Variants in COX7B2 observed in about 807,000 individuals in gnomAD.
COX7B2 encodes cytochrome c oxidase subunit 7B2.
For synonymous variants in COX7B2, 37 were observed against 32.1 expected (o/e 1.15, Z -0.51); for missense variants, 109 against 95.9 (o/e 1.14, Z -0.57).
At chr4:46,800,084 C>G (rs1477583821) in intron 2 of COX7B2, among the ~76,000 whole-genome samples, 2 of 151,996 alleles carry the variant, frequency 1.3e-5, no homozygotes, top group East Asian at 3.8e-4. Flanking sequence ...TGAAAAATCT[C>G]TACAGTGAAA....
rs1714130475 is a variant in COX7B2, at chr4:46,819,605, T to C, written c.-50+25355A>G. On this transcript the variant is annotated intron_variant, in intron 2 of 2. Coordinates refer to ENST00000355591, the MANE Select transcript of COX7B2 (RefSeq NM_130902.3). ...TTATGTTTTAAGAAAGTTTATGAAT[T>C]TGTGGTGGGCCACATTCAAAGCTGT... Among the ~76,000 whole-genome samples, 7 of 152,252 alleles carry C rather than the reference T, an allele frequency of 4.6e-5. No homozygotes were observed. The South Asian group carries it at 1.5e-3, about 32-fold the overall frequency.
intron 1 of COX7B2, among the ~76,000 whole-genome samples, chr4:46,855,633 TA>T (rs1407679893): frequency 6.6e-6 from 1 of 151,628 alleles, no homozygotes; most frequent in African/African-American, 2.4e-5. Context: ...CAAAAAAAAC[TA>T]AAAAAAAGCA....
chr4:46,790,307 C>T (rs551895092), intron 2 of COX7B2, among the ~76,000 whole-genome samples: 7 of 152,318 alleles, frequency 4.6e-5, no homozygotes, highest in African/African-American at 1.7e-4. Flanking sequence ...TATTTGGTTT[C>T]ATTTCATTTG....
At chr4:46,745,735 A>G (rs1714985059) in intron 2 of COX7B2, among the ~76,000 whole-genome samples, 1 of 152,098 alleles carries the variant, frequency 6.6e-6, no homozygotes, top group Admixed American at 6.5e-5. Context: ...TTTTTCTTTT[A>G]AGTTCCTGAG....
chr4:46,907,847 A>ATTTTTTTTTTTTTTTTTTTTT (rs1308450950), intron 1 of COX7B2, among the ~76,000 whole-genome samples: 2 of 67,236 alleles, frequency 3.0e-5, no homozygotes, highest in African/African-American at 1.0e-4. Flanking sequence ...ATTTGAGCAG[A>ATTTTTTTTTTTTTTTTTTTTT]CTTTTTTTTT....
chr4:46,820,906 A>C (rs1159884053), intron 2 of COX7B2, among the ~76,000 whole-genome samples: 1 of 151,558 alleles, frequency 6.6e-6, no homozygotes, highest in Non-Finnish European at 1.5e-5. Context: ...AAAGTAATCC[A>C]ATCTCACGTA....
intron 1 of COX7B2, among the ~76,000 whole-genome samples, chr4:46,888,930 C>T (rs922862704): frequency 3.3e-5 from 5 of 152,070 alleles, no homozygotes; most frequent in Non-Finnish European, 1.5e-5. Flanking sequence ...TCCAGTGTTG[C>T]TGCAATGATT....
intron 2 of COX7B2, among the ~76,000 whole-genome samples, chr4:46,844,665 T>C (rs1056352009): frequency 2.0e-5 from 3 of 152,024 alleles, no homozygotes; most frequent in Admixed American, 2.0e-4. Context: ...TTTTCTTTTG[T>C]ATCCAACTGT....
At chr4:46,746,502 T>G (rs1430369957) in intron 2 of COX7B2, among the ~76,000 whole-genome samples, 2 of 152,130 alleles carry the variant, frequency 1.3e-5, no homozygotes, top group East Asian at 3.9e-4. Flanking sequence ...GGATATTGAA[T>G]GGGGCGGAAA....
At chr4:46,756,100 G>A (rs754047783) in intron 2 of COX7B2, among the ~76,000 whole-genome samples, 1 of 151,880 alleles carries the variant, frequency 6.6e-6, no homozygotes, top group Admixed American at 6.6e-5. Flanking sequence ...CATGGTACTG[G>A]TATAAAAATA....
In COX7B2 at chr4:46,798,963, C is replaced by A. The variant is rs993812915; in HGVS notation, c.-50+45997G>T. On this transcript the variant is annotated intron_variant, in intron 2 of 2. Transcript: ENST00000355591. Reference sequence around the variant, plus strand: ...AAGCTCTTTCAGCTCTAAGAGACCCCCAATTAAATGTCTTCTACTCTTGAT... The same window carrying A: ...AAGCTCTTTCAGCTCTAAGAGACCCACAATTAAATGTCTTCTACTCTTGAT... Among the ~76,000 whole-genome samples, 18 of 152,108 alleles carry A rather than the reference C, an allele frequency of 1.2e-4. 1 individual carries two copies. The highest frequency in any genetic ancestry group is 7.4e-5 in the Non-Finnish European group (5 of 68,018).
intron 2 of COX7B2, among the ~76,000 whole-genome samples, chr4:46,776,205 G>T (rs1229262419): frequency 1.3e-5 from 2 of 151,566 alleles, no homozygotes; most frequent in Non-Finnish European, 2.9e-5. Context: ...GGAAAGTGGG[G>T]GTCTGCCCTA....
chr4:46,755,084 A>T (rs1233671061), intron 2 of COX7B2, among the ~76,000 whole-genome samples: 4 of 151,766 alleles, frequency 2.6e-5, no homozygotes, highest in Admixed American at 2.0e-4. Flanking sequence ...AAAAAATGAT[A>T]CACAATATTA....
intron 1 of COX7B2, among the ~76,000 whole-genome samples, chr4:46,879,341 A>G (rs1718557635): frequency 6.6e-6 from 1 of 151,688 alleles, no homozygotes; most frequent in Non-Finnish European, 1.5e-5. Flanking sequence ...TTTTTGAGAC[A>G]CGGTCTCACA....
intron 2 of COX7B2, among the ~76,000 whole-genome samples, chr4:46,751,965 G>T (rs1035792891): frequency 6.6e-6 from 1 of 152,094 alleles, no homozygotes; most frequent in Non-Finnish European, 1.5e-5. Context: ...AAAGTAATTC[G>T]TAGCTTGATG....
intron 2 of COX7B2, among the ~76,000 whole-genome samples, chr4:46,769,816 A>C (rs1716768477): frequency 6.6e-6 from 1 of 152,184 alleles, no homozygotes; most frequent in African/African-American, 2.4e-5. Context: ...GATAAAAAAA[A>C]CAAATTAGGT....
At chr4:46,883,516 G>A (rs528274717) in intron 1 of COX7B2, among the ~76,000 whole-genome samples, 4 of 152,026 alleles carry the variant, frequency 2.6e-5, no homozygotes, top group Admixed American at 6.6e-5. Context: ...CGAGTGGATC[G>A]CCCAAGCTCA....
At chr4:46,840,427 C>CAAAAA (rs1436766328) in intron 2 of COX7B2, among the ~76,000 whole-genome samples, 2 of 152,006 alleles carry the variant, frequency 1.3e-5, no homozygotes, top group Non-Finnish European at 2.9e-5. Flanking sequence ...AAATAAGCCA[C>CAAAAA]AAGAACTCTC....
At chr4:46,748,389 G>A (rs2109421968) in intron 2 of COX7B2, among the ~76,000 whole-genome samples, 1 of 152,170 alleles carries the variant, frequency 6.6e-6, no homozygotes, top group East Asian at 1.9e-4. Context: ...AAATACTTTA[G>A]GCTAAAACAG....
Sources: allele counts gnomAD v4.1 joint callset (sites outside exome capture counted in the v4.1 genomes callset), GRCh38; gene constraint gnomAD v4.1.1; transcripts MANE v1.5; gene names NCBI Gene and HGNC (gene_info 2026-07-23, HGNC 2026-07-21).